Variants in SNX29 observed in about 807,000 individuals in gnomAD.
SNX29 encodes the protein sorting nexin 29.
SNX29 carries 78 observed loss-of-function variants against 102.1 expected under a neutral mutation model. The ratio of observed to expected loss-of-function variants is 0.76; its 90% CI spans 0.64 to 0.92. SNX29 has a LOEUF of 0.92. Ranked by LOEUF, SNX29 falls within the 40% of genes least tolerant of loss-of-function variation. The pLI, the probability that SNX29 is intolerant of heterozygous loss-of-function variation, is 0.00. For synonymous variants in SNX29, 580 were observed against 414.5 expected (o/e 1.40, Z -4.85); for missense variants, 1,280 against 1,061.7 (o/e 1.21, Z -2.86).
Position 12,571,576 on chromosome 16 carries a change from A to G in SNX29, c.*2947A>G, listed in dbSNP as rs2079188671. The G allele has an allele frequency of 5.8e-6, 6 of 1,040,444 alleles. No homozygotes were observed. The South Asian group carries it at 1.9e-4, about 32-fold the overall frequency. 64.5% of individuals were successfully genotyped at this position (1,040,444 alleles called of 1,614,324 possible). A position where few individuals can be genotyped will look rare whatever the true frequency, so the allele number is the denominator to read the frequency against. On this transcript the variant is annotated 3_prime_UTR_variant, in exon 21 of 21. Transcript: ENST00000566228. Reference sequence around the variant, plus strand: ...ATCCACACCGAATCCTTCTGTCTTCATGGCCTGCTGTGCTGAAACAGAACA... The same window carrying G: ...ATCCACACCGAATCCTTCTGTCTTCGTGGCCTGCTGTGCTGAAACAGAACA...
chr16:12,322,069 C>T (rs1356992401), intron 15 of SNX29, among the ~76,000 whole-genome samples: 2 of 152,180 alleles, frequency 1.3e-5, no homozygotes, highest in Non-Finnish European at 2.9e-5. Flanking sequence ...GTGACACAGT[C>T]CTACCTGGTT....
chr16:12,519,548 T>C (rs2090012122), intron 19 of SNX29, among the ~76,000 whole-genome samples: 2 of 152,132 alleles, frequency 1.3e-5, no homozygotes, highest in African/African-American at 2.4e-5. Context: ...ACTGAAGTAT[T>C]TAGGAGTAAA....
chr16:12,240,323 G>T (rs1490184469), intron 14 of SNX29, among the ~76,000 whole-genome samples: 1 of 152,200 alleles, frequency 6.6e-6, no homozygotes, highest in African/African-American at 2.4e-5. Context: ...AGCTGTGTAT[G>T]AGTATGCCTG....
intron 16 of SNX29, among the ~76,000 whole-genome samples, chr16:12,358,534 C>G (rs892764238): frequency 1.3e-5 from 2 of 152,192 alleles, no homozygotes; most frequent in Non-Finnish European, 2.9e-5. Context: ...CTCTTTTCAC[C>G]TCTTCCTTTT....
chr16:12,529,970 A>G (rs1454044507), intron 20 of SNX29, among the ~76,000 whole-genome samples: 1 of 152,202 alleles, frequency 6.6e-6, no homozygotes, highest in African/African-American at 2.4e-5. Flanking sequence ...GCCATGCAAG[A>G]GATCTCAAAG....
chr16:12,186,400 TC>T lies in SNX29; in HGVS notation c.1596-13200del, dbSNP rs1344222144. ...GTATCCATACAAACTTTTTTCCTGA[TC>T]TATTTAAGAATTAGTTGCAAACATC... On this transcript the variant is annotated intron_variant, in intron 13 of 20. Transcript: ENST00000566228. Among the ~76,000 whole-genome samples the T allele has an allele frequency of 7.2e-5, 11 of 152,310 alleles. No homozygotes were observed. The East Asian group carries it at 2.1e-3, about 29-fold the overall frequency.
At chr16:12,546,821 A>G (rs919638234) in intron 20 of SNX29, 1 of 152,268 alleles carries the variant, frequency 6.6e-6, no homozygotes, top group Non-Finnish European at 1.5e-5. Context: ...CTTTCAAAAT[A>G]TATGAAAATA....
chr16:12,037,343 G>A (rs1171500346), intron 4 of SNX29, among the ~76,000 whole-genome samples: 3 of 152,098 alleles, frequency 2.0e-5, no homozygotes, highest in Admixed American at 6.6e-5. Context: ...AGGAGACAAG[G>A]CCTCTTTTCT....
rs550468272 is a variant in SNX29 at position 12,550,580 on chromosome 16, C to G, written c.2319-17926C>G. Among the ~76,000 whole-genome samples, 52 of 151,624 alleles carry G rather than the reference C, an allele frequency of 3.4e-4. 1 individual carries two copies. The highest frequency in any genetic ancestry group is 5.8e-4 in the East Asian group (3 of 5,166). On this transcript the variant is annotated intron_variant, in intron 20 of 20. Transcript: ENST00000566228. ...CCAAATATGAGGATATATACTTCCACCGGTGCATACATACGTGCTTCTATG... is the reference window on the plus strand; with the variant it reads ...CCAAATATGAGGATATATACTTCCAGCGGTGCATACATACGTGCTTCTATG...
intron 15 of SNX29, among the ~76,000 whole-genome samples, chr16:12,350,507 C>G (rs551099173): frequency 6.6e-6 from 1 of 152,086 alleles, no homozygotes; most frequent in African/African-American, 2.4e-5. Flanking sequence ...CCACCCATAC[C>G]GAGGGATGAC....
intron 13 of SNX29, among the ~76,000 whole-genome samples, chr16:12,137,625 C>T (rs1252275382): frequency 2.6e-5 from 4 of 152,228 alleles, no homozygotes; most frequent in Admixed American, 6.5e-5. Flanking sequence ...TTAAATCTCA[C>T]ACTCCACCCT....
At chr16:12,183,631 T>C (rs1231892243) in intron 13 of SNX29, among the ~76,000 whole-genome samples, 1 of 152,208 alleles carries the variant, frequency 6.6e-6, no homozygotes, top group Non-Finnish European at 1.5e-5. Context: ...CCCATAGGAA[T>C]GTCAGAGGCA....
chr16:12,454,657 T>C (rs1364174046), intron 18 of SNX29, among the ~76,000 whole-genome samples: 2 of 152,226 alleles, frequency 1.3e-5, no homozygotes, highest in African/African-American at 4.8e-5. Context: ...TCTGGGAATT[T>C]AGACTTGAGC....
chr16:12,348,663 C>T (rs1038847134), intron 15 of SNX29, among the ~76,000 whole-genome samples: 5 of 152,302 alleles, frequency 3.3e-5, no homozygotes, highest in Admixed American at 6.5e-5. Flanking sequence ...GATGCTAGCT[C>T]AGCATCACAG....
chr16:12,559,872 C>T (rs1022763701), intron 20 of SNX29, among the ~76,000 whole-genome samples: 39 of 152,156 alleles, frequency 2.6e-4, no homozygotes, highest in African/African-American at 8.2e-4. Flanking sequence ...TACCAGATTT[C>T]AGAGGCTGAG....
intron 18 of SNX29, among the ~76,000 whole-genome samples, chr16:12,407,330 T>TG (rs2084207110): frequency 6.7e-6 from 1 of 148,784 alleles, no homozygotes. Flanking sequence ...ATTAGATTGT[T>TG]TTTTTTTTTT....
intron 16 of SNX29, among the ~76,000 whole-genome samples, chr16:12,392,167 A>G (rs1029847346): frequency 6.6e-6 from 1 of 152,224 alleles, no homozygotes; most frequent in African/African-American, 2.4e-5. Flanking sequence ...ATTATATCTT[A>G]GAGATCTCCT....
chr16:12,321,298 C>T (rs140841778), intron 15 of SNX29, among the ~76,000 whole-genome samples: 2 of 152,328 alleles, frequency 1.3e-5, no homozygotes, highest in African/African-American at 4.8e-5. Flanking sequence ...AGAACAGGGA[C>T]ACTCCATTGG....
chr16:12,403,645 T>C, intron 18 of SNX29, 116 bp downstream of exon 18: 1 of 976,604 alleles, frequency 1.0e-6, no homozygotes, highest in Non-Finnish European at 1.6e-6. Flanking sequence ...GGCTATGGCC[T>C]TCCAGACACC....
Sources: gnomAD v4.1 joint callset for allele counts (sites outside exome capture counted in the v4.1 genomes callset) on GRCh38, gnomAD v4.1.1 for gene constraint, MANE v1.5 for transcripts, NCBI Gene and HGNC (gene_info 2026-07-23, HGNC 2026-07-21) for gene names.